The following TRAPPC9 variants were observed in gnomAD, a reference collection of about 807,000 sequenced individuals.
TRAPPC9 encodes the protein trafficking protein particle complex subunit 9.
Under a neutral mutation model 124.0 loss-of-function variants are expected in TRAPPC9, and 83 were observed. That is an observed-to-expected ratio of 0.67 (90% CI 0.56 to 0.80). TRAPPC9 has a LOEUF of 0.80. TRAPPC9 is among the 30% of genes least tolerant of loss of function. The pLI is 0.00. For missense variants in TRAPPC9, 1,302 were observed against 1,508.3 expected (o/e 0.86, Z 2.27); for synonymous variants, 638 against 617.5 (o/e 1.03, Z -0.49).
intron 9 of TRAPPC9, among the ~76,000 whole-genome samples, chr8:140,337,460 T>C (rs1311726098): frequency 6.6e-6 from 1 of 152,112 alleles, no homozygotes; most frequent in Middle Eastern, 3.2e-3. Context: ...GAAAATTAAT[T>C]AATCAAGCTT....
chr8:140,389,755 C>T (rs1471083402), intron 7 of TRAPPC9, among the ~76,000 whole-genome samples: 2 of 150,772 alleles, frequency 1.3e-5, no homozygotes, highest in South Asian at 2.1e-4. Context: ...TAATATGCTC[C>T]GTTTATGCAT....
intron 9 of TRAPPC9, among the ~76,000 whole-genome samples, chr8:140,339,765 A>G (rs1377831549): frequency 1.3e-5 from 2 of 152,274 alleles, no homozygotes; most frequent in South Asian, 4.2e-4. Context: ...TTATTCTCAC[A>G]TGGTCCTGAT....
intron 9 of TRAPPC9, 40 bp downstream of exon 9, chr8:140,360,010 A>G: frequency 6.2e-7 from 1 of 1,613,634 alleles, no homozygotes; most frequent in Non-Finnish European, 8.5e-7. Flanking sequence ...TCTCATTCAC[A>G]GTTCCTTGAA....
rs971917984 is a variant in TRAPPC9, at chr8:140,063,315, C to T, written c.2557-39236G>A. 2.0e-5 allele frequency among the ~76,000 whole-genome samples: 3 copies of T among 152,260 alleles called. No homozygotes were observed. Among genetic ancestry groups the T allele is most frequent in the African/African-American group, 7.2e-5 (3 of 41,464 alleles). On this transcript the variant is annotated intron_variant, in intron 17 of 22. Coordinates refer to ENST00000438773, the MANE Select transcript of TRAPPC9 (RefSeq NM_001160372.4). This position sits in a 1 kb window ranked among gnomAD's most constrained non-coding sequence, Gnocchi z 4.3. ...CCTCTTTGGCCCACGTGGCCTTCCG[C>T]TTCCTGTGCTCTCACCTCACGTCAC...
At chr8:140,046,297 G>A (rs1394101242) in intron 17 of TRAPPC9, among the ~76,000 whole-genome samples, 1 of 152,290 alleles carries the variant, frequency 6.6e-6, no homozygotes, top group African/African-American at 2.4e-5. Flanking sequence ...TCCTCTGTGA[G>A]ACAGGGCAAC....
At chr8:140,348,519 C>G (rs2067416660) in intron 9 of TRAPPC9, among the ~76,000 whole-genome samples, 1 of 152,100 alleles carries the variant, frequency 6.6e-6, no homozygotes, top group African/African-American at 2.4e-5. Context: ...CTGATGAAAA[C>G]TCTCTCCTGC....
intron 19 of TRAPPC9, among the ~76,000 whole-genome samples, chr8:139,985,454 G>A (rs544330178): frequency 3.5e-4 from 54 of 152,254 alleles, no homozygotes; most frequent in Admixed American, 5.9e-4. Flanking sequence ...AGGATGCATC[G>A]ATGCTCCCTG....
chr8:140,018,327 T>TTTTCTTTTTTC (rs1425629934), intron 18 of TRAPPC9, among the ~76,000 whole-genome samples: 2 of 108,364 alleles, frequency 1.8e-5, no homozygotes, highest in African/African-American at 5.8e-5. Flanking sequence ...GTAAGTGATT[T>TTTTCTTTTTTC]TTTTTTTTTT....
At chr8:139,890,257 G>A (rs1255052702) in intron 20 of TRAPPC9, among the ~76,000 whole-genome samples, 1 of 152,250 alleles carries the variant, frequency 6.6e-6, no homozygotes, top group Non-Finnish European at 1.5e-5. Flanking sequence ...GTAACAGGGA[G>A]GTCAGGCCCT....
intron 19 of TRAPPC9, among the ~76,000 whole-genome samples, chr8:139,977,060 C>T (rs1836523695): frequency 6.6e-6 from 1 of 152,166 alleles, no homozygotes; most frequent in South Asian, 2.1e-4. Flanking sequence ...TGAAAACATA[C>T]AGCAAATGTC....
At chr8:140,123,866 G>A (rs11995797) in intron 17 of TRAPPC9, among the ~76,000 whole-genome samples, 4,461 of 152,240 alleles carry the variant, frequency 0.029, 214 homozygotes, top group African/African-American at 0.1. Flanking sequence ...GGTGAAATGG[G>A]TCCATCAGGA....
At chr8:139,965,115 G>GT (rs1835616183) in intron 19 of TRAPPC9, among the ~76,000 whole-genome samples, 1 of 152,062 alleles carries the variant, frequency 6.6e-6, no homozygotes, top group Non-Finnish European at 1.5e-5. Context: ...GTCTCTGGGG[G>GT]ACACAGGGCC....
At chr8:140,372,184 G>A (rs945307818) in intron 7 of TRAPPC9, among the ~76,000 whole-genome samples, 6 of 152,332 alleles carry the variant, frequency 3.9e-5, no homozygotes, top group African/African-American at 1.4e-4. Context: ...CTGGGCCTGG[G>A]CCCTGCCCAC....
At chr8:140,337,758 AGC>A (rs971325031) in intron 9 of TRAPPC9, among the ~76,000 whole-genome samples, 1 of 152,126 alleles carries the variant, frequency 6.6e-6, no homozygotes, top group Non-Finnish European at 1.5e-5. Flanking sequence ...AGGGAGGTGG[AGC>A]CAAGGCTTAG....
At chr8:139,955,686 G>C (rs767279349) in intron 19 of TRAPPC9, among the ~76,000 whole-genome samples, 3 of 152,166 alleles carry the variant, frequency 2.0e-5, no homozygotes, top group Non-Finnish European at 4.4e-5. Flanking sequence ...TGGGAATGTG[G>C]GTCAGGACTA....
intron 9 of TRAPPC9, among the ~76,000 whole-genome samples, chr8:140,346,034 C>T (rs531853052): frequency 6.6e-6 from 1 of 152,298 alleles, no homozygotes; most frequent in African/African-American, 2.4e-5. Context: ...AAGGGGCTTA[C>T]GGGACTGGAA....
chr8:140,457,782 G>A, upstream of TRAPPC9: 1 of 1,012,268 alleles, frequency 9.9e-7, no homozygotes, highest in Non-Finnish European at 1.2e-6. Context: ...CGTGCGCGGA[G>A]GCCAGGCCTG....
chr8:140,431,195 G>A (rs946836661), intron 4 of TRAPPC9, among the ~76,000 whole-genome samples: 57 of 151,934 alleles, frequency 3.8e-4, no homozygotes, highest in African/African-American at 1.2e-3. Flanking sequence ...GGTGGCTCAC[G>A]CCTGTAATCC....
intron 17 of TRAPPC9, among the ~76,000 whole-genome samples, chr8:140,130,335 C>T (rs928138534): frequency 6.6e-5 from 10 of 152,268 alleles, no homozygotes; most frequent in African/African-American, 2.2e-4. Context: ...CGGGCAGACA[C>T]CACCTTACTC....
Sources: allele counts gnomAD v4.1 joint callset (sites outside exome capture counted in the v4.1 genomes callset), GRCh38; gene constraint gnomAD v4.1.1; non-coding constraint Gnocchi (gnomAD v3.1); transcripts MANE v1.5; gene names NCBI Gene and HGNC (gene_info 2026-07-23, HGNC 2026-07-21).